The following ROBO2 variants were observed in gnomAD, a reference collection of about 807,000 sequenced individuals.
ROBO2 encodes the protein roundabout homolog 2.
ROBO2 carries 53 observed loss-of-function variants against 160.8 expected under a neutral mutation model. The ratio of observed to expected loss-of-function variants is 0.33; its 90% CI spans 0.26 to 0.41. The LOEUF is 0.41. ROBO2 is among the 10% of genes least tolerant of loss of function. The pLI is 1.00. For synonymous variants in ROBO2, 664 were observed against 611.7 expected (o/e 1.09, Z -1.26); for missense variants, 1,577 against 1,722.4 (o/e 0.92, Z 1.49).
At chr3:76,981,802 G>C (rs148362577) in intron 2 of ROBO2, among the ~76,000 whole-genome samples, 1 of 152,222 alleles carries the variant, frequency 6.6e-6, no homozygotes, top group East Asian at 1.9e-4. Context: ...ACAGGTGAAC[G>C]GGGAACAGGG....
At chr3:76,403,486 CT>C (rs36005760) in intron 2 of ROBO2, among the ~76,000 whole-genome samples, 2 of 151,534 alleles carry the variant, frequency 1.3e-5, no homozygotes, top group Non-Finnish European at 3.0e-5. Context: ...TCCTGGGGAG[CT>C]TTCAGTATGA....
At chr3:76,050,583 G>T (rs1224646161) in intron 2 of ROBO2, among the ~76,000 whole-genome samples, 3 of 152,168 alleles carry the variant, frequency 2.0e-5, no homozygotes, top group African/African-American at 7.2e-5. Flanking sequence ...AGGAGACACA[G>T]TTAAGGTTAT....
At chr3:77,470,503 A>G (rs1415799017) in intron 2 of ROBO2, among the ~76,000 whole-genome samples, 2 of 152,170 alleles carry the variant, frequency 1.3e-5, no homozygotes, top group Non-Finnish European at 2.9e-5. Flanking sequence ...ACCTAACACA[A>G]TAGATGAGGC....
chr3:77,596,807 T>G (rs2094315554), intron 19 of ROBO2, 57 bp downstream of exon 20: 2 of 1,590,180 alleles, frequency 1.3e-6, no homozygotes, highest in Non-Finnish European at 1.7e-6. Context: ...TTTTTTTTTT[T>G]TGACCTTCCT....
At chr3:76,318,453 A>C (rs1403983724) in intron 2 of ROBO2, among the ~76,000 whole-genome samples, 2 of 152,142 alleles carry the variant, frequency 1.3e-5, no homozygotes, top group Non-Finnish European at 2.9e-5. Context: ...CAAATTACAC[A>C]CATGCATATA....
intron 5 of ROBO2, among the ~76,000 whole-genome samples, chr3:77,519,945 A>G (rs1380582274): frequency 6.6e-6 from 1 of 151,234 alleles, no homozygotes; most frequent in Admixed American, 6.6e-5. Flanking sequence ...AGCGTGTGTT[A>G]TTTTTTGACT....
At chr3:76,015,371 A>C (rs972878776) in intron 2 of ROBO2, among the ~76,000 whole-genome samples, 12 of 152,208 alleles carry the variant, frequency 7.9e-5, no homozygotes, top group African/African-American at 2.9e-4. Context: ...GATGTTACAC[A>C]GATATTTGAA....
chr3:77,210,035 A>C (rs1342187788), intron 2 of ROBO2, among the ~76,000 whole-genome samples: 1 of 152,130 alleles, frequency 6.6e-6, no homozygotes, highest in Non-Finnish European at 1.5e-5. Flanking sequence ...TACATTATAA[A>C]TTAGGCTACA....
At chr3:77,047,255 T>G (rs2064763248) in intron 1 of ROBO2, among the ~76,000 whole-genome samples, 1 of 152,216 alleles carries the variant, frequency 6.6e-6, no homozygotes, top group African/African-American at 2.4e-5. Context: ...GAAAGACTAC[T>G]GAGCAATCAC....
At chr3:77,304,856 G>C (rs2062963012) in intron 2 of ROBO2, among the ~76,000 whole-genome samples, 1 of 152,142 alleles carries the variant, frequency 6.6e-6, no homozygotes, top group South Asian at 2.1e-4. Context: ...ATTTGTCTGT[G>C]ACGTGTCAGT....
At chr3:76,654,857 A>T in intron 2 of ROBO2, among the ~76,000 whole-genome samples, 1 of 118,822 alleles carries the variant, frequency 8.4e-6, no homozygotes, top group East Asian at 2.1e-4. Context: ...ATATATATAC[A>T]CACACGTACA....
intron 1 of ROBO2, among the ~76,000 whole-genome samples, chr3:77,058,777 A>T (rs2066002995): frequency 1.3e-5 from 2 of 151,434 alleles, no homozygotes; most frequent in Admixed American, 6.6e-5. Flanking sequence ...GGCTCAAGCG[A>T]TCCACCCACG....
intron 2 of ROBO2, among the ~76,000 whole-genome samples, chr3:76,497,756 C>T (rs2080234412): frequency 6.6e-6 from 1 of 152,184 alleles, no homozygotes; most frequent in African/African-American, 2.4e-5. Flanking sequence ...ACAGAAAAGA[C>T]TCAGGTTTCC....
chr3:77,088,224 C>A (rs1038277639), intron 1 of ROBO2, among the ~76,000 whole-genome samples: 4 of 152,050 alleles, frequency 2.6e-5, no homozygotes, highest in African/African-American at 9.7e-5. Context: ...AAGTAAAGAC[C>A]TGAGATACAA....
intron 6 of ROBO2, among the ~76,000 whole-genome samples, chr3:77,535,678 G>A (rs2092048124): frequency 6.6e-6 from 1 of 152,118 alleles, no homozygotes; most frequent in South Asian, 2.1e-4. Context: ...AATTATAAAG[G>A]CAGGTAGAAA....
chr3:77,157,624 A>G (rs1255254193), intron 2 of ROBO2, among the ~76,000 whole-genome samples: 3 of 152,092 alleles, frequency 2.0e-5, no homozygotes, highest in African/African-American at 7.2e-5. Flanking sequence ...TATGTGAAGA[A>G]ACTGTCTGTT....
chr3:76,497,297 GCAA>G (rs1156783851), intron 2 of ROBO2, among the ~76,000 whole-genome samples: 7 of 152,104 alleles, frequency 4.6e-5, no homozygotes, highest in Non-Finnish European at 8.8e-5. Flanking sequence ...TCATGCTCAA[GCAA>G]TCCTCCCACA....
At chr3:76,669,021 AGGGG>A (rs1328753817) in intron 2 of ROBO2, among the ~76,000 whole-genome samples, 1 of 152,092 alleles carries the variant, frequency 6.6e-6, no homozygotes, top group African/African-American at 2.4e-5. Flanking sequence ...ACAGCGAGAG[AGGGG>A]CATGCTTCTC....
At chr3:77,196,691 TTTA>T (rs2082341259) in intron 2 of ROBO2, among the ~76,000 whole-genome samples, 1 of 152,114 alleles carries the variant, frequency 6.6e-6, no homozygotes, top group Admixed American at 6.5e-5. Flanking sequence ...TAGATAAATC[TTTA>T]TTATTTTAAT....
Sources: allele counts gnomAD v4.1 joint callset (sites outside exome capture counted in the v4.1 genomes callset), GRCh38; gene constraint gnomAD v4.1.1; transcripts MANE v1.5; gene names NCBI Gene and HGNC (gene_info 2026-07-23, HGNC 2026-07-21).